Variants in CAMK2D observed in about 807,000 individuals in gnomAD.
CAMK2D encodes calcium/calmodulin-dependent protein kinase type II subunit delta.
Under a neutral mutation model 84.0 loss-of-function variants are expected in CAMK2D, and 37 were observed. The ratio of observed to expected loss-of-function variants is 0.44; its 90% CI spans 0.34 to 0.58. The LOEUF is 0.58. CAMK2D is among the 20% of genes least tolerant of loss of function. The pLI, the probability that CAMK2D is intolerant of heterozygous loss-of-function variation, is 0.02. For synonymous variants in CAMK2D, 202 were observed against 212.5 expected, an observed-to-expected ratio of 0.95 and a Z score of 0.43; for missense variants, 448 against 652.5, an observed-to-expected ratio of 0.69 and a Z score of 3.41.
chr4:113,745,422 A>G lies in CAMK2D; in HGVS notation c.160+13898T>C, dbSNP rs556793755. Among the ~76,000 whole-genome samples the G allele has an allele frequency of 2.0e-5, 3 of 152,308 alleles. No individual in the cohort carries two copies. The South Asian group carries it at 6.2e-4, about 32-fold the overall frequency. On this transcript the variant is annotated intron_variant, in intron 2 of 20. Transcript: ENST00000511664. ...CTCATAATACTTTCTTCTGATACTG[A>G]AGATACATATATATCTTCCCCATAA... is the stretch of plus-strand genomic sequence containing the variant.
intron 8 of CAMK2D, 113 bp downstream of exon 8, chr4:113,531,103 G>T: frequency 3.1e-6 from 2 of 644,280 alleles, no homozygotes; most frequent in Non-Finnish European, 5.7e-6. Context: ...AAATAAATAA[G>T]AAATACATTT....
chr4:113,552,205 AAATC>A, intron 4 of CAMK2D, 109 bp from the exon 5 acceptor site: 1 of 595,032 alleles, frequency 1.7e-6, no homozygotes. Context: ...GATTTAAAAA[AAATC>A]AAAACTTTTT....
chr4:113,468,623 ACT>A (rs879848241), intron 16 of CAMK2D, among the ~76,000 whole-genome samples: 7 of 152,022 alleles, frequency 4.6e-5, no homozygotes, highest in Non-Finnish European at 8.8e-5. Flanking sequence ...AGCTAGCTCT[ACT>A]CTCAATCAGC....
At position 113,595,440 on chromosome 4, in the gene CAMK2D, T is replaced by TTGTGTG. The variant is rs71582188; in HGVS notation, c.275+13706_275+13711dup. ...CAACAATTTATTCAATTATGTATGC[T>TTGTGTG]TGTGTGTGTGTGTGTGTGTGTGTGT... On this transcript the variant is annotated intron_variant, in intron 4 of 20. Coordinates refer to ENST00000511664, the MANE Select transcript of CAMK2D (RefSeq NM_001321571.2). Among the ~76,000 whole-genome samples, 359 of 143,462 alleles carry TTGTGTG rather than the reference T, an allele frequency of 2.5e-3. 2 individuals are homozygous for TTGTGTG. The highest frequency in any genetic ancestry group is 8.3e-3 in the African/African-American group (332 of 40,198). 94.1% of individuals were successfully genotyped at this position (143,462 alleles called of 152,430 possible). A position where few individuals can be genotyped will look rare whatever the true frequency, so the allele number is the denominator to read the frequency against.
intron 4 of CAMK2D, among the ~76,000 whole-genome samples, chr4:113,586,339 G>C (rs1030552170): frequency 6.6e-6 from 1 of 152,188 alleles, no homozygotes; most frequent in African/African-American, 2.4e-5. Flanking sequence ...AAGTAGAAAA[G>C]AGGACCTGAG....
chr4:113,633,517 T>C (rs1036851569), intron 3 of CAMK2D, among the ~76,000 whole-genome samples: 2 of 152,208 alleles, frequency 1.3e-5, no homozygotes, highest in Non-Finnish European at 2.9e-5. Flanking sequence ...GCTGCATTCA[T>C]AGAGATCAGG....
intron 9 of CAMK2D, 106 bp from the exon 10 acceptor site, chr4:113,515,297 A>T (rs2098270401): frequency 2.8e-6 from 2 of 707,486 alleles, no homozygotes; most frequent in Non-Finnish European, 4.5e-6. Context: ...ATTTCTTCAT[A>T]AATTTACTTT....
At chr4:113,543,334 T>C (rs1379063421) in intron 6 of CAMK2D, among the ~76,000 whole-genome samples, 1 of 152,158 alleles carries the variant, frequency 6.6e-6, no homozygotes, top group African/African-American at 2.4e-5. Context: ...ACTTCCTCCT[T>C]TCTGGGAAGA....
intron 16 of CAMK2D, 42 bp downstream of exon 16, chr4:113,500,421 G>C: frequency 8.0e-7 from 1 of 1,247,228 alleles, no homozygotes; most frequent in South Asian, 1.3e-5. Context: ...ATATATATGT[G>C]AAGCTCTGAG....
Position 113,517,620 on chromosome 4 carries a change from G to T in CAMK2D, c.639C>A (p.Pro213=). The change falls in exon 9 of 21, where the codon CCC becomes CCA. Residue 213 remains proline (P), a synonymous_variant. Transcript: ENST00000511664. ...ILYILLVGYP[P]FWDEDQHRLY... ...GTCTGTGTTGGTCTTCATCCCAGAA[G>T]GGTGGATACCCCACAAGTAGAATAT... is the stretch of plus-strand genomic sequence containing the variant. 6.3e-7 allele frequency: 1 copy of T among 1,589,548 alleles called. No homozygotes were observed. Among genetic ancestry groups the T allele is most frequent in the Non-Finnish European group, 8.6e-7 (1 of 1,158,146 alleles).
At chr4:113,603,773 T>TTATATATATACATATA (rs1553997124) in intron 4 of CAMK2D, among the ~76,000 whole-genome samples, 1 of 127,994 alleles carries the variant, frequency 7.8e-6, no homozygotes, top group African/African-American at 3.3e-5. Context: ...TCTTGCTATT[T>TTATATATATACATATA]TATATATATA....
chr4:113,744,039 C>T (rs1487220647), intron 2 of CAMK2D, among the ~76,000 whole-genome samples: 1 of 152,052 alleles, frequency 6.6e-6, no homozygotes, highest in Admixed American at 6.6e-5. Context: ...AAGGGGTTTT[C>T]ACAGTGTTAG....
At chr4:113,457,188 A>G (rs113286097) in intron 19 of CAMK2D, 147 bp downstream of exon 19, 13 of 1,446,948 alleles carry the variant, frequency 9.0e-6, no homozygotes, top group Non-Finnish European at 1.2e-5. Context: ...GAGAATCATA[A>G]ACCTTTCCCG....
intron 2 of CAMK2D, among the ~76,000 whole-genome samples, chr4:113,672,274 A>C (rs910431194): frequency 6.6e-6 from 1 of 152,222 alleles, no homozygotes; most frequent in Non-Finnish European, 1.5e-5. Context: ...GTCAAGGTAA[A>C]GAAATTGGCT....
chr4:113,753,014 A>G (rs2099620850), intron 2 of CAMK2D, among the ~76,000 whole-genome samples: 1 of 152,114 alleles, frequency 6.6e-6, no homozygotes, highest in Non-Finnish European at 1.5e-5. Flanking sequence ...ACAGATTAAG[A>G]TAAGTCCTCT....
intron 2 of CAMK2D, among the ~76,000 whole-genome samples, chr4:113,711,413 A>T (rs1397647923): frequency 6.6e-6 from 1 of 152,060 alleles, no homozygotes; most frequent in African/African-American, 2.4e-5. Context: ...CTGAGAAATA[A>T]ATTCAAAACC....
At chr4:113,597,591 A>G (rs2098933065) in intron 4 of CAMK2D, among the ~76,000 whole-genome samples, 1 of 152,242 alleles carries the variant, frequency 6.6e-6, no homozygotes, top group South Asian at 2.1e-4. Context: ...ATATGGACCA[A>G]TAAAGCTTTC....
At chr4:113,723,989 T>A (rs1027316780) in intron 2 of CAMK2D, among the ~76,000 whole-genome samples, 1 of 152,162 alleles carries the variant, frequency 6.6e-6, no homozygotes, top group Non-Finnish European at 1.5e-5. Context: ...CATATTGATG[T>A]TATATTACGT....
At chr4:113,751,872 A>G (rs1562228930) in intron 2 of CAMK2D, among the ~76,000 whole-genome samples, 1 of 152,184 alleles carries the variant, frequency 6.6e-6, no homozygotes, top group African/African-American at 2.4e-5. Context: ...CATTGCCTAT[A>G]TTTAAGAGGG....
Sources: gnomAD v4.1 joint callset for allele counts (sites outside exome capture counted in the v4.1 genomes callset) on GRCh38, gnomAD v4.1.1 for gene constraint, MANE v1.5 for transcripts, NCBI Gene and HGNC (gene_info 2026-07-23, HGNC 2026-07-21) for gene names.